The following KLRG1 variants were observed in gnomAD, a reference collection of about 807,000 sequenced individuals.
KLRG1 encodes the protein killer cell lectin-like receptor subfamily G member 1.
In KLRG1, 16 loss-of-function variants were observed where a neutral mutation model predicts 21.8. That is an observed-to-expected ratio of 0.73 (90% CI 0.50 to 1.11). The LOEUF (loss-of-function observed/expected upper bound fraction) is 1.11. KLRG1 is among the 50% of genes most tolerant of loss of function. The pLI, the probability that KLRG1 is intolerant of heterozygous loss-of-function variation, is 0.00. For missense variants in KLRG1, 173 were observed against 218.3 expected (o/e 0.79, Z 1.31); for synonymous variants, 69 against 75.9 (o/e 0.91, Z 0.47).
the KLRG1 span, among the ~76,000 whole-genome samples, chr12:9,178,130 T>G: frequency 6.6e-6 from 1 of 152,218 alleles, no homozygotes; most frequent in South Asian, 2.1e-4. Flanking sequence ...TCCCCCAATC[T>G]GCGGTTTTGG....
At chr12:9,080,191 C>G in the KLRG1 span, 1 of 1,515,640 alleles carries the variant, frequency 6.6e-7, no homozygotes, top group Non-Finnish European at 9.0e-7. Flanking sequence ...GAGAAATAAG[C>G]AAATCAGACA....
chr12:9,081,583 A>G, the KLRG1 span, among the ~76,000 whole-genome samples: 3 of 152,352 alleles, frequency 2.0e-5, no homozygotes, highest in South Asian at 6.2e-4. Flanking sequence ...TTGTTCATAG[A>G]ACTGAGTGAA....
chr12:9,160,404 C>G, the KLRG1 span: 2 of 1,613,998 alleles, frequency 1.2e-6, no homozygotes, highest in Non-Finnish European at 1.7e-6. Flanking sequence ...ATGTTAGGAG[C>G]AAATAGGACC....
At chr12:9,044,303 C>CT in the KLRG1 span, among the ~76,000 whole-genome samples, 1 of 152,138 alleles carries the variant, frequency 6.6e-6, no homozygotes, top group African/African-American at 2.4e-5. Flanking sequence ...TGAAGAGACG[C>CT]TTTACTCCTC....
chr12:9,076,809 T>C, the KLRG1 span: 1 of 1,614,010 alleles, frequency 6.2e-7, no homozygotes, highest in Non-Finnish European at 8.5e-7. Flanking sequence ...CCTCTTGTCC[T>C]GGTTACCTGC....
chr12:9,077,747 T>C, the KLRG1 span: 3 of 1,614,214 alleles, frequency 1.9e-6, no homozygotes, highest in Non-Finnish European at 2.5e-6. Flanking sequence ...GAAACAGCCA[T>C]TGTCCTTCTG....
At chr12:9,057,510 A>C in the KLRG1 span, 1 of 152,554 alleles carries the variant, frequency 6.6e-6, no homozygotes, top group African/African-American at 2.4e-5. Context: ...CTAAATCTAT[A>C]TAAAGTAAAA....
At chr12:9,126,020 A>C in the KLRG1 span, among the ~76,000 whole-genome samples, 1 of 152,236 alleles carries the variant, frequency 6.6e-6, no homozygotes, top group African/African-American at 2.4e-5. Context: ...GGCGTGAGCC[A>C]CTGTGCCTGG....
chr12:9,166,214 G>T, the KLRG1 span: 3 of 1,607,432 alleles, frequency 1.9e-6, no homozygotes, highest in South Asian at 2.2e-5. Context: ...TAAAGTAAGA[G>T]AAAATTGTCT....
At chr12:9,158,700 G>T in the KLRG1 span, 7 of 834,044 alleles carry the variant, frequency 8.4e-6, no homozygotes, top group Non-Finnish European at 1.2e-5. Context: ...GTTACTGAGA[G>T]TTTGGAGACT....
the KLRG1 span, chr12:9,077,075 T>C: frequency 2.0e-5 from 15 of 743,016 alleles, no homozygotes; most frequent in Non-Finnish European, 2.9e-5. Context: ...ATAGATATAA[T>C]ATTATTTTTA....
At chr12:9,000,740 C>T (rs969881127) in intron 3 of KLRG1, among the ~76,000 whole-genome samples, 6 of 152,166 alleles carry the variant, frequency 3.9e-5, no homozygotes, top group African/African-American at 1.4e-4. Flanking sequence ...GGATATACTA[C>T]ATTTTGTTTG....
the KLRG1 span, among the ~76,000 whole-genome samples, chr12:9,055,982 G>A: frequency 2.6e-5 from 4 of 152,150 alleles, no homozygotes; most frequent in Admixed American, 1.3e-4. Flanking sequence ...ATAGTTCTGC[G>A]TTACCTTGCA....
chr12:8,968,372 C>T (rs904360330), intron 1 of KLRG1, among the ~76,000 whole-genome samples: 8 of 152,024 alleles, frequency 5.3e-5, no homozygotes, highest in African/African-American at 1.9e-4. Context: ...AATAGAGTGA[C>T]AATTTTATAA....
the KLRG1 span, among the ~76,000 whole-genome samples, chr12:9,140,363 T>C: frequency 6.6e-6 from 1 of 152,214 alleles, no homozygotes; most frequent in Non-Finnish European, 1.5e-5. Flanking sequence ...TTTGGCCCTT[T>C]CTTTAAGTTA....
the KLRG1 span, chr12:9,160,352 T>G: frequency 6.2e-7 from 1 of 1,614,180 alleles, no homozygotes; most frequent in Non-Finnish European, 8.5e-7. Flanking sequence ...CTTGATCTCC[T>G]GCGTCAGCTG....
At chr12:9,000,794 G>C (rs960788102) in intron 3 of KLRG1, among the ~76,000 whole-genome samples, 14 of 152,166 alleles carry the variant, frequency 9.2e-5, no homozygotes, top group African/African-American at 3.1e-4. Flanking sequence ...TCAACCTTTT[G>C]ACTGTTGAGA....
intron 1 of KLRG1, among the ~76,000 whole-genome samples, chr12:8,977,289 C>T (rs768505208): frequency 4.6e-5 from 7 of 151,600 alleles, no homozygotes; most frequent in Admixed American, 3.9e-4. Flanking sequence ...CTGCAAGCTC[C>T]GCCTCCTGGG....
chr12:9,157,174 CCTT>C, the KLRG1 span: 24 of 1,612,430 alleles, frequency 1.5e-5, no homozygotes, highest in African/African-American at 2.7e-5. Context: ...AGTGCTCTCA[CCTT>C]CTTTCACAGC....
Sources: allele counts gnomAD v4.1 joint callset (sites outside exome capture counted in the v4.1 genomes callset), GRCh38; gene constraint gnomAD v4.1.1; transcripts MANE v1.5; gene names NCBI Gene and HGNC (gene_info 2026-07-23, HGNC 2026-07-21).